SMYD5: variants seen among roughly 807,000 people sequenced by gnomAD.
The protein encoded by SMYD5 is SMYD family member 5.
A neutral mutation model predicts 57.4 loss-of-function variants in SMYD5; 35 were observed. The ratio of observed to expected loss-of-function variants is 0.61; its 90% confidence interval spans 0.47 to 0.81. The LOEUF (loss-of-function observed/expected upper bound fraction) is 0.81. Ranked by LOEUF, SMYD5 falls within the 30% of genes least tolerant of loss-of-function variation. The pLI, the probability that SMYD5 is intolerant of heterozygous loss-of-function variation, is 0.00. For synonymous variants in SMYD5, 198 were observed against 189.7 expected, an observed-to-expected ratio of 1.04 and a Z score of -0.36; for missense variants, 471 against 527.9, an observed-to-expected ratio of 0.89 and a Z score of 1.06.
At position 73,226,079 on chromosome 2, in the gene SMYD5, G is replaced by A; in HGVS notation, c.*133G>A. The A allele has an allele frequency of 8.0e-7, 1 of 1,254,084 alleles. No individual in the cohort carries two copies. The highest frequency in any genetic ancestry group is 1.1e-6 in the Non-Finnish European group (1 of 927,944). The allele number at this position is 1,254,084 out of a possible 1,614,324, so 77.7% of individuals were successfully genotyped here. On this transcript the variant is annotated 3_prime_UTR_variant, in exon 13 of 13. Coordinates refer to ENST00000389501, the MANE Select transcript of SMYD5 (RefSeq NM_006062.3). ...CCCATTCCAGCCCTCTCTGCTAGAG[G>A]GTAGGAGAGAGCCTGGATCTCTGGC...
At chr2:73,218,822 G>A (rs1434601319) in intron 1 of SMYD5, 39 bp from the exon 2 acceptor site, 4 of 1,491,472 alleles carry the variant, frequency 2.7e-6, no homozygotes, top group Non-Finnish European at 3.7e-6. Context: ...TATGTCTTCT[G>A]TTCCTTTTTA....
rs562885511 is a variant in SMYD5 at position 73,226,683 on chromosome 2, T to C, written c.*737T>C. The C allele has an allele frequency of 2.0e-5, 3 of 152,796 alleles. No individual in the cohort carries two copies. The highest frequency in any genetic ancestry group is 2.0e-4 in the Admixed American group (3 of 15,300). 9.5% of individuals were successfully genotyped at this position (152,796 alleles called of 1,614,324 possible). On this transcript the variant is annotated 3_prime_UTR_variant, in exon 13 of 13. Coordinates refer to ENST00000389501, the MANE Select transcript of SMYD5 (RefSeq NM_006062.3). ...CTCTGCCTTCCTCAGGAGGGACACA[T>C]AGTGGGTCATCACCCTTTCTCACAC...
intron 3 of SMYD5, 70 bp downstream of exon 3, chr2:73,220,260 G>A: frequency 6.4e-7 from 1 of 1,553,098 alleles, no homozygotes; most frequent in Non-Finnish European, 8.8e-7. Flanking sequence ...TCCTCAGTGG[G>A]GAGACAGGAG....
chr2:73,224,492 T>G (rs889156121), intron 10 of SMYD5, among the ~76,000 whole-genome samples: 24 of 152,098 alleles, frequency 1.6e-4, no homozygotes, highest in African/African-American at 5.3e-4. Flanking sequence ...CACTCTACCC[T>G]CCCAAACTGG....
At chr2:73,215,121 A>G (rs1035863469) in intron 1 of SMYD5, among the ~76,000 whole-genome samples, 1 of 152,060 alleles carries the variant, frequency 6.6e-6, no homozygotes, top group Non-Finnish European at 1.5e-5. Context: ...CACTCAACCA[A>G]CCCCTTATTA....
In SMYD5 at chr2:73,214,297, T is replaced by C. The variant is rs754998509; in HGVS notation, c.31T>C (p.Phe11Leu). The C allele has an allele frequency of 9.3e-6, 15 of 1,613,414 alleles. No individual in the cohort carries two copies. The highest frequency in any genetic ancestry group is 2.7e-5 in the African/African-American group (2 of 74,880). The change falls in exon 1 of 13, where the codon TTC becomes CTC. Residue 11 changes from phenylalanine to leucine, a missense_variant. By Grantham distance (22) the Phe-to-Leu change is conservative. Transcript: ENST00000389501. ...GGCCTCCATGTGCGACGTGTTCTCCTTCTGCGTGGGCGTGGCGGGCCGCGC... is the reference window on the plus strand; with the variant it reads ...GGCCTCCATGTGCGACGTGTTCTCCCTCTGCGTGGGCGTGGCGGGCCGCGC... MAASMCDVFS[F>L]CVGVAGRARV...
At position 73,225,798 on chromosome 2, in the gene SMYD5, A is replaced by G; in HGVS notation, c.1109A>G (p.Glu370Gly). The G allele has an allele frequency of 6.2e-7, 1 of 1,614,034 alleles. No individual in the cohort carries two copies. Among genetic ancestry groups the G allele is most frequent in the Non-Finnish European group, 8.5e-7 (1 of 1,179,990 alleles). The change falls in exon 13 of 13, where the codon GAG (glutamate) becomes GGG (glycine). Residue 370 changes from glutamate (E) to glycine (G), a missense_variant and splice_region_variant. Glu to Gly is a moderately conservative substitution (Grantham distance 98). Transcript: ENST00000389501. ...SRHSRHKILR[E>G]NYLFVCSCPK... ...CTCACCATCCCCCACCGCTGCAGGGAGAACTATCTATTTGTCTGTTCCTGT... is the reference window on the plus strand; with the variant it reads ...CTCACCATCCCCCACCGCTGCAGGGGGAACTATCTATTTGTCTGTTCCTGT...
At chr2:73,220,915 G>A in intron 4 of SMYD5, 133 bp downstream of exon 4, 2 of 1,057,150 alleles carry the variant, frequency 1.9e-6, no homozygotes, top group South Asian at 3.2e-5. Context: ...TTAAACAGAA[G>A]TCACATAACC....
At position 73,214,246 on chromosome 2, in the gene SMYD5, T is replaced by A; in HGVS notation, c.-21T>A. ...CAGGTCGAGGCGGGGTTAAGGGTCA[T>A]AAGGCGGAGGCGCGCCCAAGATGGC... On this transcript the variant is annotated 5_prime_UTR_variant, in exon 1 of 13. Transcript: ENST00000389501. 4 of 1,612,618 alleles carry A rather than the reference T, an allele frequency of 2.5e-6. No individual in the cohort carries two copies. The highest frequency in any genetic ancestry group is 3.4e-6 in the Non-Finnish European group (4 of 1,178,972).
At chr2:73,225,040 C>G in intron 11 of SMYD5, 80 bp downstream of exon 11, 1 of 1,039,576 alleles carries the variant, frequency 9.6e-7, no homozygotes, top group African/African-American at 1.6e-5. Flanking sequence ...GCAGCAGTGG[C>G]TAGAGCACCT....
In SMYD5 at chr2:73,220,732, C is replaced by A; in HGVS notation, c.417C>A (p.Pro139=). The change falls in exon 4 of 13, where the codon CCC becomes CCA. Residue 139 remains proline (P), a synonymous_variant. Coordinates refer to ENST00000389501, the MANE Select transcript of SMYD5 (RefSeq NM_006062.3). The part of the protein sequence containing the change: ...EQYHQVLCPG[P]SQDDPLHPLN... ...ACCACCAGGTCCTGTGCCCAGGCCC[C>A]TCCCAGGATGACCCCTTGCATCCTC... 1 of 1,614,084 alleles carries A rather than the reference C, an allele frequency of 6.2e-7. No individual in the cohort carries two copies. Among genetic ancestry groups the A allele is most frequent in the Non-Finnish European group, 8.5e-7 (1 of 1,179,998 alleles).
At chr2:73,222,211 A>G (rs1686409708) in intron 6 of SMYD5, among the ~76,000 whole-genome samples, 1 of 152,352 alleles carries the variant, frequency 6.6e-6, no homozygotes, top group Middle Eastern at 3.4e-3. Flanking sequence ...AGGACTCGTC[A>G]TAGGATAGCA....
chr2:73,214,599 C>A, intron 1 of SMYD5: 1 of 1,504,178 alleles, frequency 6.6e-7, no homozygotes. Context: ...CGGAATTCGG[C>A]CAGCCCGCGG....
chr2:73,214,440 G>C, intron 1 of SMYD5, 78 bp downstream of exon 1: 27 of 1,604,234 alleles, frequency 1.7e-5, no homozygotes, highest in Non-Finnish European at 2.2e-5. Context: ...TCCATGCCCG[G>C]AGCCCAGAGG....
intron 1 of SMYD5, among the ~76,000 whole-genome samples, chr2:73,216,566 G>A (rs769049262): frequency 2.0e-5 from 3 of 152,074 alleles, no homozygotes; most frequent in Non-Finnish European, 2.9e-5. Context: ...GCGTGGTGGT[G>A]CACACCTGTA....
In SMYD5 at chr2:73,222,768, T is replaced by G; in HGVS notation, c.656T>G (p.Leu219Arg). The G allele has an allele frequency of 6.2e-7, 1 of 1,612,912 alleles. No homozygotes were observed. The highest frequency in any genetic ancestry group is 8.5e-7 in the Non-Finnish European group (1 of 1,179,524). ...CCTCTAATCCAGGGCCAACTGGAACTTCTGCGGAGACTCTTCACAGAGGCC... is the reference window on the plus strand; with the variant it reads ...CCTCTAATCCAGGGCCAACTGGAACGTCTGCGGAGACTCTTCACAGAGGCC... ...LGDKFKGQLE[L>R]LRRLFTEALY... Residue 219 changes from leucine to arginine, a missense_variant, in exon 7 of 13, where the codon CTT (leucine) becomes CGT (arginine). By Grantham distance (102) the Leu-to-Arg change is moderately radical. Coordinates refer to ENST00000389501, the MANE Select transcript of SMYD5 (RefSeq NM_006062.3).
At chr2:73,218,367 T>C (rs1280519539) in intron 1 of SMYD5, among the ~76,000 whole-genome samples, 1 of 152,230 alleles carries the variant, frequency 6.6e-6, no homozygotes, top group Admixed American at 6.5e-5. Flanking sequence ...GGTATTCAGC[T>C]GACCAAGGAA....
Position 73,214,380 on chromosome 2 carries a change from C to T in SMYD5, c.96+18C>T. The T allele has an allele frequency of 4.3e-6, 7 of 1,612,778 alleles. No individual in the cohort carries two copies. The highest frequency in any genetic ancestry group is 5.9e-6 in the Non-Finnish European group (7 of 1,179,474). ...GCGCCAAGGTGAGGTCGGGGCGGGT[C>T]CTGCCGGGAGCCTCTCCCCAGTCCG... On this transcript the variant is annotated intron_variant, in intron 1 of 12. Transcript: ENST00000389501.
intron 10 of SMYD5, 32 bp from the exon 11 acceptor site, chr2:73,224,834 A>T: frequency 6.5e-7 from 1 of 1,528,388 alleles, no homozygotes; most frequent in Admixed American, 1.7e-5. Context: ...TTTTTAGTCA[A>T]TAATCCTCAT....
Sources: gnomAD v4.1 joint callset for allele counts (sites outside exome capture counted in the v4.1 genomes callset) on GRCh38, gnomAD v4.1.1 for gene constraint, MANE v1.5 for transcripts, NCBI Gene and HGNC (gene_info 2026-07-23, HGNC 2026-07-21) for gene names.